The following SLC25A12 variants were observed in gnomAD, a reference collection of about 807,000 sequenced individuals.
SLC25A12 encodes the protein solute carrier family 25 member 12.
A neutral mutation model predicts 83.3 loss-of-function variants in SLC25A12; 32 were observed. The observed-to-expected ratio is 0.38, with a 90% CI of 0.29 to 0.52. The LOEUF (loss-of-function observed/expected upper bound fraction) is 0.52, where lower values mean the gene tolerates loss of function less well. SLC25A12 is among the 20% of genes least tolerant of loss of function. SLC25A12 has a pLI of 0.84. For synonymous variants in SLC25A12, 267 were observed against 291.1 expected, an observed-to-expected ratio of 0.92 and a Z score of 0.84; for missense variants, 611 against 835.6, an observed-to-expected ratio of 0.73 and a Z score of 3.31.
At chr2:171,840,464 C>T (rs558264143) in intron 5 of SLC25A12, among the ~76,000 whole-genome samples, 1 of 151,580 alleles carries the variant, frequency 6.6e-6, no homozygotes, top group South Asian at 2.1e-4. Flanking sequence ...AAAGCAGACA[C>T]TATGCAAGAA....
chr2:171,815,503 T>C (rs1015954294), intron 9 of SLC25A12, among the ~76,000 whole-genome samples: 1 of 152,202 alleles, frequency 6.6e-6, no homozygotes, highest in Non-Finnish European at 1.5e-5. Flanking sequence ...TCTGCTACTG[T>C]TGGGGGAATA....
At chr2:171,842,292 G>A (rs898228534) in intron 5 of SLC25A12, among the ~76,000 whole-genome samples, 25 of 151,550 alleles carry the variant, frequency 1.6e-4, no homozygotes, top group African/African-American at 5.8e-4. Flanking sequence ...AAAAACAGAT[G>A]CAAAAGTTCA....
At chr2:171,834,612 G>A in intron 7 of SLC25A12, 115 bp downstream of exon 7, 1 of 1,194,088 alleles carries the variant, frequency 8.4e-7, no homozygotes, top group Non-Finnish European at 1.2e-6. Context: ...ACATACACAT[G>A]GTAACATACT....
intron 9 of SLC25A12, among the ~76,000 whole-genome samples, chr2:171,824,000 AG>A (rs1298559883): frequency 6.6e-6 from 1 of 152,106 alleles, no homozygotes; most frequent in Non-Finnish European, 1.5e-5. Flanking sequence ...GGACAATGTA[AG>A]AATACCTAAG....
chr2:171,849,605 G>T (rs1684876955), intron 4 of SLC25A12, among the ~76,000 whole-genome samples: 1 of 140,348 alleles, frequency 7.1e-6, no homozygotes, highest in Non-Finnish European at 1.5e-5. Flanking sequence ...CTGTTGCCCA[G>T]GCTGGAGTGG....
chr2:171,792,755 A>T (rs1452863778), intron 14 of SLC25A12, among the ~76,000 whole-genome samples: 1 of 152,160 alleles, frequency 6.6e-6, no homozygotes, highest in Admixed American at 6.5e-5. Context: ...GGAAGCAAAA[A>T]TGTGTACGAA....
chr2:171,802,983 G>A (rs1051353537), intron 13 of SLC25A12, among the ~76,000 whole-genome samples: 4 of 151,856 alleles, frequency 2.6e-5, no homozygotes, highest in African/African-American at 9.7e-5. Flanking sequence ...GTGTGTGTGT[G>A]TACACATGTG....
At chr2:171,843,541 G>A (rs1684726138) in intron 5 of SLC25A12, among the ~76,000 whole-genome samples, 1 of 152,054 alleles carries the variant, frequency 6.6e-6, no homozygotes, top group South Asian at 2.1e-4. Context: ...GCTGAGACAT[G>A]AGAATTGCTT....
At position 171,874,253 on chromosome 2, in the gene SLC25A12, G is replaced by A. The variant is rs536991819; in HGVS notation, c.67-5430C>T. Among the ~76,000 whole-genome samples the A allele has an allele frequency of 4.6e-5, 7 of 151,866 alleles. No individual in the cohort carries two copies. The South Asian group carries it at 1.2e-3, about 27-fold the overall frequency. Reference sequence around the variant, plus strand: ...AAAAAATAATAATAATTAGTTGGGCGTGGTGGCAGGTGCCTGTAATCCCAG... The same window carrying A: ...AAAAAATAATAATAATTAGTTGGGCATGGTGGCAGGTGCCTGTAATCCCAG... On this transcript the variant is annotated intron_variant, in intron 2 of 17. Transcript: ENST00000422440.
rs1451700327 is a variant in SLC25A12 at position 171,785,324 on chromosome 2, G to A, written c.1987C>T (p.Pro663Ser). The stretch of plus-strand genomic sequence containing the variant: ...TTTGGCTGAACCACAGCAACACTAG[G>A]AGACTTAAATTTCGGGAGATAAAGG... The part of the protein sequence containing the change: ...FGLYLPKFKS[P>S]SVAVVQPKAA... Residue 663 changes from proline (P) to serine (S), a missense_variant, in exon 18 of 18, where the codon CCT (proline) becomes TCT (serine). By Grantham distance (74) the Pro-to-Ser change is moderately conservative. Coordinates refer to ENST00000422440, the MANE Select transcript of SLC25A12 (RefSeq NM_003705.5). 6.2e-7 allele frequency: 1 copy of A among 1,614,170 alleles called. No homozygotes were observed. Among genetic ancestry groups the A allele is most frequent in the East Asian group, 2.2e-5 (1 of 44,880 alleles).
chr2:171,884,924 T>G (rs1685783771), intron 2 of SLC25A12, among the ~76,000 whole-genome samples: 2 of 152,012 alleles, frequency 1.3e-5, no homozygotes, highest in Admixed American at 1.3e-4. Context: ...ATTAAAAGTG[T>G]ATTGATCGGC....
At chr2:171,809,958 T>C (rs1384630243) in intron 12 of SLC25A12, among the ~76,000 whole-genome samples, 3 of 152,190 alleles carry the variant, frequency 2.0e-5, no homozygotes, top group African/African-American at 4.8e-5. Flanking sequence ...CTCAAATTCC[T>C]GGACTCAAGC....
At chr2:171,843,581 A>G (rs1235851086) in intron 5 of SLC25A12, among the ~76,000 whole-genome samples, 1 of 152,108 alleles carries the variant, frequency 6.6e-6, no homozygotes, top group East Asian at 1.9e-4. Flanking sequence ...ACAGTGAGCC[A>G]GGATCACACC....
chr2:171,829,210 T>C (rs530106817), intron 8 of SLC25A12, among the ~76,000 whole-genome samples: 82 of 152,264 alleles, frequency 5.4e-4, no homozygotes, highest in African/African-American at 1.9e-3. Context: ...CCAGGAATAA[T>C]GGGGAGTCAA....
intron 4 of SLC25A12, chr2:171,852,675 C>T (rs1684957664): frequency 2.2e-6 from 1 of 455,416 alleles, no homozygotes; most frequent in Non-Finnish European, 4.4e-6. Context: ...GACCTTTACC[C>T]CAGATCCAAA....
Position 171,793,624 on chromosome 2 carries a change from C to T in SLC25A12, c.1446+3G>A. 2 of 1,614,078 alleles carry T rather than the reference C, an allele frequency of 1.2e-6. No homozygotes were observed. Among genetic ancestry groups the T allele is most frequent in the Non-Finnish European group, 8.5e-7 (1 of 1,179,968 alleles). ...GAGTACATTATAACCTAAACCTACC[C>T]ACCTTATACAGACCAAAAATTCCCA... On this transcript the variant is annotated splice_donor_region_variant and intron_variant, in intron 14 of 17. Transcript: ENST00000422440.
At position 171,837,262 on chromosome 2, in the gene SLC25A12, C is replaced by T. The variant is rs753724910; in HGVS notation, c.471G>A (p.Leu157=). The change falls in exon 6 of 18, where the codon CTG becomes CTA. Residue 157 remains leucine, a synonymous_variant. Coordinates refer to ENST00000422440, the MANE Select transcript of SLC25A12 (RefSeq NM_003705.5). ...AGGCTTGTCTTGCATGTTCCAATTGCAGCTCCTGTGAGGAAATTAGAAATA... is the reference window on the plus strand; with the variant it reads ...AGGCTTGTCTTGCATGTTCCAATTGTAGCTCCTGTGAGGAAATTAGAAATA... ...YTEFTQFLQE[L]QLEHARQAFA... is the part of the protein sequence containing the mutation. 3 of 1,613,894 alleles carry T rather than the reference C, an allele frequency of 1.9e-6. No homozygotes were observed. Among genetic ancestry groups the T allele is most frequent in the Admixed American group, 3.3e-5 (2 of 59,990 alleles).
chr2:171,830,202 GACT>G (rs752423156), intron 8 of SLC25A12, among the ~76,000 whole-genome samples: 15 of 152,026 alleles, frequency 9.9e-5, no homozygotes, highest in Admixed American at 1.3e-4. Flanking sequence ...ACATTTTACT[GACT>G]ACTTTATAGA....
At chr2:171,865,626 A>T (rs1685273369) in intron 3 of SLC25A12, among the ~76,000 whole-genome samples, 1 of 151,894 alleles carries the variant, frequency 6.6e-6, no homozygotes, top group Admixed American at 6.6e-5. Context: ...ATGCCACTGT[A>T]CTCCAGCCTG....
Sources: allele counts gnomAD v4.1 joint callset (sites outside exome capture counted in the v4.1 genomes callset), GRCh38; gene constraint gnomAD v4.1.1; transcripts MANE v1.5; gene names NCBI Gene and HGNC (gene_info 2026-07-23, HGNC 2026-07-21).